The following ULK4 variants were observed in gnomAD, a reference collection of about 807,000 sequenced individuals.
ULK4 encodes unc-51 like kinase 4, also known as inactive serine/threonine-protein kinase ULK4.
In ULK4, 133 loss-of-function variants were observed where a neutral mutation model predicts 160.6. That is an observed-to-expected ratio of 0.83 (90% CI 0.72 to 0.96). The LOEUF (loss-of-function observed/expected upper bound fraction) is 0.96. Ranked by LOEUF, ULK4 falls within the 40% of genes least tolerant of loss-of-function variation. The probability of loss-of-function intolerance (pLI) is 0.00; values close to 1 mark genes in which losing one functional copy is unlikely to be tolerated. For synonymous variants in ULK4, 534 were observed against 539.8 expected (o/e 0.99, Z 0.15); for missense variants, 1,580 against 1,499.5 (o/e 1.05, Z -0.89).
intron 22 of ULK4, among the ~76,000 whole-genome samples, chr3:41,749,930 C>T (rs957410579): frequency 2.0e-5 from 3 of 152,188 alleles, no homozygotes; most frequent in Admixed American, 2.0e-4. Flanking sequence ...AGTAAACTGT[C>T]AATGAAGAAG....
intron 19 of ULK4, among the ~76,000 whole-genome samples, chr3:41,802,314 T>C (rs1471844943): frequency 6.6e-6 from 1 of 152,216 alleles, no homozygotes; most frequent in African/African-American, 2.4e-5. Flanking sequence ...GTTTTTCTTT[T>C]TGAGACACAG....
In ULK4 at chr3:41,308,563, A is replaced by T. The variant is rs555469166; in HGVS notation, c.3679-58989T>A. ...AACTCCATTTAAATACAAAAAGTGA[A>T]AAAATGTGGTTGCTGAAATTAAAAA... On this transcript the variant is annotated intron_variant, in intron 35 of 36. Transcript: ENST00000301831. Among the ~76,000 whole-genome samples the T allele has an allele frequency of 2.0e-5, 3 of 152,338 alleles. No individual in the cohort carries two copies. In the East Asian group the frequency reaches 5.8e-4, roughly 29 times the overall value.
chr3:41,543,934 C>A (rs1419738030), intron 32 of ULK4, among the ~76,000 whole-genome samples: 1 of 152,052 alleles, frequency 6.6e-6, no homozygotes, highest in African/African-American at 2.4e-5. Context: ...TCCACACTTT[C>A]CTTTAATTCT....
chr3:41,789,642 G>C lies in ULK4; in HGVS notation c.2193+19C>G. On this transcript the variant is annotated intron_variant, in intron 21 of 36. Transcript: ENST00000301831. ...AAACAATTTTTAATGTAGAGTAACAGGTAAAATCTAAGTCAAACCTTTTCT... is the reference window on the plus strand; with the variant it reads ...AAACAATTTTTAATGTAGAGTAACACGTAAAATCTAAGTCAAACCTTTTCT... 1.3e-6 allele frequency: 2 copies of C among 1,544,840 alleles called. No individual in the cohort carries two copies. Among genetic ancestry groups the C allele is most frequent in the African/African-American group, 2.8e-5 (2 of 71,838 alleles).
At chr3:41,522,751 A>G (rs1345861803) in intron 32 of ULK4, among the ~76,000 whole-genome samples, 1 of 152,148 alleles carries the variant, frequency 6.6e-6, no homozygotes, top group Non-Finnish European at 1.5e-5. Context: ...TTAAATCCAA[A>G]TTATGGTCTC....
At chr3:41,794,334 G>A (rs1382500199) in intron 20 of ULK4, among the ~76,000 whole-genome samples, 1 of 152,060 alleles carries the variant, frequency 6.6e-6, no homozygotes, top group Non-Finnish European at 1.5e-5. Flanking sequence ...AGGAACAACA[G>A]GACTTTTGTC....
intron 32 of ULK4, among the ~76,000 whole-genome samples, chr3:41,497,040 CAA>C (rs56325419): frequency 0.064 from 9,158 of 142,520 alleles, 847 homozygotes; most frequent in African/African-American, 0.21. Flanking sequence ...AACCCATAAC[CAA>C]AAAAAAAAAA....
At chr3:41,456,190 G>A (rs2083548639) in intron 33 of ULK4, among the ~76,000 whole-genome samples, 1 of 152,208 alleles carries the variant, frequency 6.6e-6, no homozygotes, top group African/African-American at 2.4e-5. Context: ...CATTGCAGAT[G>A]TGAGCCACCG....
At chr3:41,753,514 C>T (rs2038697882) in intron 22 of ULK4, among the ~76,000 whole-genome samples, 1 of 152,146 alleles carries the variant, frequency 6.6e-6, no homozygotes, top group African/African-American at 2.4e-5. Flanking sequence ...CATCAGAACA[C>T]GAAGCAAACT....
chr3:41,282,981 C>A (rs999496279), intron 35 of ULK4, among the ~76,000 whole-genome samples: 10 of 152,224 alleles, frequency 6.6e-5, no homozygotes, highest in African/African-American at 2.2e-4. Flanking sequence ...AAAAAGTTGG[C>A]AAATGATATG....
intron 32 of ULK4, among the ~76,000 whole-genome samples, chr3:41,521,671 C>T (rs72872629): frequency 0.018 from 2,780 of 152,248 alleles, 91 homozygotes; most frequent in African/African-American, 0.063. Context: ...CTTACATGGT[C>T]CCATGTGAAG....
chr3:41,343,142 C>A, intron 35 of ULK4, among the ~76,000 whole-genome samples: 1 of 152,036 alleles, frequency 6.6e-6, no homozygotes, highest in African/African-American at 2.4e-5. Flanking sequence ...CTCACCACTC[C>A]TATTCAAGAT....
rs541344654 is a variant in ULK4, at chr3:41,421,744, T to G, written c.3493-23480A>C. ...TGTTCTGTGCTGTTTTAAAGTAGGT[T>G]ATGGTATGAGACTTATTATAGCTTC... On this transcript the variant is annotated intron_variant, in intron 34 of 36. Transcript: ENST00000301831. Among the ~76,000 whole-genome samples the G allele has an allele frequency of 5.3e-4, 81 of 152,286 alleles. 1 individual carries two copies. The Middle Eastern group carries it at 0.014, about 26-fold the overall frequency.
intron 21 of ULK4, among the ~76,000 whole-genome samples, chr3:41,774,173 AT>A (rs1464848698): frequency 1.3e-5 from 2 of 152,110 alleles, no homozygotes; most frequent in African/African-American, 4.8e-5. Flanking sequence ...CAAGGACTTC[AT>A]GTCTAAAACA....
At chr3:41,812,456 A>G (rs1045776972) in intron 19 of ULK4, among the ~76,000 whole-genome samples, 3 of 151,620 alleles carry the variant, frequency 2.0e-5, no homozygotes, top group African/African-American at 7.3e-5. Context: ...ATAACTGTTC[A>G]AAAAAAAAGA....
At chr3:41,660,217 C>A (rs112347567) in intron 30 of ULK4, among the ~76,000 whole-genome samples, 1 of 152,018 alleles carries the variant, frequency 6.6e-6, no homozygotes, top group Non-Finnish European at 1.5e-5. Context: ...ATAGCTTGAA[C>A]CCAGGAAGCG....
chr3:41,531,209 G>A (rs891066779), intron 32 of ULK4, among the ~76,000 whole-genome samples: 4 of 150,996 alleles, frequency 2.6e-5, no homozygotes, highest in Admixed American at 6.6e-5. Context: ...TTAGGAGGCC[G>A]AGGCAGGCAG....
At chr3:41,744,002 A>G (rs1235507279) in intron 22 of ULK4, among the ~76,000 whole-genome samples, 1 of 151,916 alleles carries the variant, frequency 6.6e-6, no homozygotes, top group Non-Finnish European at 1.5e-5. Context: ...CACAGTGATA[A>G]CATATTATGA....
intron 32 of ULK4, among the ~76,000 whole-genome samples, chr3:41,531,137 T>C (rs1185832054): frequency 2.0e-5 from 3 of 148,590 alleles, no homozygotes; most frequent in Non-Finnish European, 3.0e-5. Flanking sequence ...TGATACACAG[T>C]AGTAAAGAAA....
Sources: allele counts gnomAD v4.1 joint callset (sites outside exome capture counted in the v4.1 genomes callset), GRCh38; gene constraint gnomAD v4.1.1; transcripts MANE v1.5; gene names NCBI Gene and HGNC (gene_info 2026-07-23, HGNC 2026-07-21).